The following UPP2 variants were observed in gnomAD, a reference collection of about 807,000 sequenced individuals.
UPP2 encodes uridine phosphorylase 2.
A neutral mutation model predicts 26.7 loss-of-function variants in UPP2; 23 were observed. The observed-to-expected ratio is 0.86, with a 90% CI of 0.62 to 1.22. The LOEUF (loss-of-function observed/expected upper bound fraction) is 1.22, where lower values mean the gene tolerates loss of function less well. Ranked by LOEUF, UPP2 falls within the 50% of genes most tolerant of loss-of-function variation. The pLI, the probability that UPP2 is intolerant of heterozygous loss-of-function variation, is 0.00. For synonymous variants in UPP2, 127 were observed against 141.3 expected, an observed-to-expected ratio of 0.90 and a Z score of 0.72; for missense variants, 387 against 396.7, an observed-to-expected ratio of 0.98 and a Z score of 0.21.
intron 3 of UPP2, among the ~76,000 whole-genome samples, chr2:158,051,983 G>A (rs1170607818): frequency 1.3e-5 from 2 of 152,130 alleles, no homozygotes; most frequent in Admixed American, 1.3e-4. Context: ...AACCCATGAG[G>A]CCTTCCCAGT....
intron 3 of UPP2, among the ~76,000 whole-genome samples, chr2:158,023,903 G>A (rs1683794670): frequency 6.6e-6 from 1 of 152,148 alleles, no homozygotes; most frequent in African/African-American, 2.4e-5. Flanking sequence ...GGTCTCTTGA[G>A]CTCTCTTCAG....
At chr2:157,999,848 C>T (rs929014775) in intron 2 of UPP2, among the ~76,000 whole-genome samples, 1 of 151,760 alleles carries the variant, frequency 6.6e-6, no homozygotes, top group Non-Finnish European at 1.5e-5. Flanking sequence ...CACACACTTA[C>T]CCAAAAAGAA....
At chr2:158,060,803 T>C (rs1054041811) in intron 3 of UPP2, among the ~76,000 whole-genome samples, 17 of 152,260 alleles carry the variant, frequency 1.1e-4, no homozygotes, top group Non-Finnish European at 1.5e-5. Flanking sequence ...GAGGACACAG[T>C]GAGAAGGTGG....
intron 3 of UPP2, among the ~76,000 whole-genome samples, chr2:158,091,744 C>T (rs563914569): frequency 1.5e-4 from 23 of 152,264 alleles, no homozygotes; most frequent in African/African-American, 3.9e-4. Flanking sequence ...GCCTGGGCTC[C>T]GTTTTACATG....
upstream of UPP2, among the ~76,000 whole-genome samples, chr2:158,100,828 A>G (rs934397024): frequency 1.3e-5 from 2 of 152,296 alleles, no homozygotes; most frequent in South Asian, 2.1e-4. Context: ...GGATTCCCCA[A>G]TATAGAGTCC....
chr2:158,115,260 G>GT lies in UPP2; in HGVS notation c.339+2dup. The GT allele has an allele frequency of 1.2e-6, 2 of 1,602,112 alleles. No individual in the cohort carries two copies. The highest frequency in any genetic ancestry group is 1.7e-6 in the Non-Finnish European group (2 of 1,174,628). ...AACCGGGCCTGTGCTCGCCATCAGT[G>GT]TAAGTATCCATGGTTGCATTTCAGC... On this transcript the variant is annotated splice_donor_variant, in intron 3 of 6. Transcript: ENST00000005756. LOFTEE classifies it high-confidence loss of function.
chr2:158,057,280 G>A lies in UPP2; in HGVS notation c.147+41394G>A, dbSNP rs757825850. On this transcript the variant is annotated intron_variant, in intron 3 of 9. Coordinates refer to the UPP2 transcript ENST00000605860. ...GGAAGGAAGTTGCTATGCACAGCCC[G>A]CACCTAAGGAGTGGGGAGAGTTAGG... 3.9e-5 allele frequency among the ~76,000 whole-genome samples: 6 copies of A among 152,226 alleles called. No homozygotes were observed. In the South Asian group the frequency reaches 8.3e-4, roughly 21 times the overall value.
intron 3 of UPP2, among the ~76,000 whole-genome samples, chr2:158,049,290 A>T (rs984777509): frequency 1.3e-5 from 2 of 152,128 alleles, no homozygotes; most frequent in African/African-American, 4.8e-5. Flanking sequence ...AGATGGAGAG[A>T]GATTTAGGGG....
intron 2 of UPP2, among the ~76,000 whole-genome samples, chr2:158,006,476 CAAAAAAA>C: frequency 1.3e-5 from 1 of 77,392 alleles, no homozygotes; most frequent in African/African-American, 5.5e-5. Context: ...GACTCCGTCT[CAAAAAAA>C]AAAAAAAAAA....
intron 2 of UPP2, among the ~76,000 whole-genome samples, chr2:158,010,827 A>G (rs944046297): frequency 3.4e-5 from 5 of 146,794 alleles, no homozygotes; most frequent in Non-Finnish European, 5.9e-5. Flanking sequence ...GTGCAGTGGC[A>G]CAATCTGGGC....
At chr2:158,132,002 T>C (rs1410497464) in intron 6 of UPP2, among the ~76,000 whole-genome samples, 2 of 152,208 alleles carry the variant, frequency 1.3e-5, no homozygotes, top group African/African-American at 4.8e-5. Flanking sequence ...CTGGTTTCCT[T>C]TTATCCTTCT....
intron 3 of UPP2, among the ~76,000 whole-genome samples, chr2:158,068,491 A>G (rs1367692930): frequency 6.6e-6 from 1 of 152,014 alleles, no homozygotes; most frequent in Non-Finnish European, 1.5e-5. Flanking sequence ...TTTGAGAAAA[A>G]TCACCACTAA....
chr2:158,003,812 T>C (rs1160995225), intron 2 of UPP2, among the ~76,000 whole-genome samples: 1 of 152,160 alleles, frequency 6.6e-6, no homozygotes, highest in Non-Finnish European at 1.5e-5. Flanking sequence ...TATGGGTATA[T>C]AGAAGTAAAT....
At chr2:158,111,777 A>C (rs1049291815) in intron 2 of UPP2, among the ~76,000 whole-genome samples, 1 of 151,446 alleles carries the variant, frequency 6.6e-6, no homozygotes, top group Non-Finnish European at 1.5e-5. Flanking sequence ...TATTTGTTTT[A>C]GTGGTTGCTC....
chr2:157,995,546 C>T (rs1238189732), intron 2 of UPP2, among the ~76,000 whole-genome samples: 1 of 152,006 alleles, frequency 6.6e-6, no homozygotes, highest in East Asian at 1.9e-4. Flanking sequence ...GCCTTATTTT[C>T]AATCACCTTT....
chr2:158,096,151 GA>G (rs1682981874), intron 3 of UPP2, among the ~76,000 whole-genome samples: 1 of 152,142 alleles, frequency 6.6e-6, no homozygotes, highest in South Asian at 2.1e-4. Flanking sequence ...TCAGCCATTA[GA>G]AAACAGTGAA....
chr2:158,116,861 T>C (rs1318837423), intron 3 of UPP2, among the ~76,000 whole-genome samples: 2 of 149,234 alleles, frequency 1.3e-5, no homozygotes, highest in East Asian at 1.9e-4. Context: ...GGATGCTTAC[T>C]AAACATTTGA....
chr2:158,099,683 C>T (rs1274894681), upstream of UPP2, among the ~76,000 whole-genome samples: 1 of 152,144 alleles, frequency 6.6e-6, no homozygotes, highest in Admixed American at 6.5e-5. Flanking sequence ...GGCCTAAATG[C>T]TATCCAGTTG....
intron 3 of UPP2, among the ~76,000 whole-genome samples, chr2:158,052,619 T>TA (rs1682178077): frequency 6.6e-6 from 1 of 152,216 alleles, no homozygotes; most frequent in African/African-American, 2.4e-5. Context: ...GTCACTTTGA[T>TA]AAGGTTACTT....
Sources: allele counts gnomAD v4.1 joint callset (sites outside exome capture counted in the v4.1 genomes callset), GRCh38; gene constraint gnomAD v4.1.1; transcripts MANE v1.5; gene names NCBI Gene and HGNC (gene_info 2026-07-23, HGNC 2026-07-21).